The following OSMR variants were observed in gnomAD, a reference collection of about 807,000 sequenced individuals.
OSMR encodes oncostatin-M-specific receptor subunit beta.
In OSMR, 81 loss-of-function variants were observed where a neutral mutation model predicts 99.9. That is an observed-to-expected ratio of 0.81 (90% CI 0.68 to 0.97). OSMR has a LOEUF of 0.97. Ranked by LOEUF, OSMR falls within the 50% of genes least tolerant of loss-of-function variation. The pLI is 0.00. For missense variants in OSMR, 1,099 were observed against 1,153.4 expected (o/e 0.95, Z 0.68); for synonymous variants, 406 against 410.4 (o/e 0.99, Z 0.13).
chr5:38,923,086 T>C (rs1746309315), intron 12 of OSMR, 64 bp from the exon 13 acceptor site: 35 of 1,605,294 alleles, frequency 2.2e-5, no homozygotes, highest in Non-Finnish European at 2.7e-5. Flanking sequence ...TTTTCATTCT[T>C]TTTCTTTTCA....
At chr5:38,930,214 A>C (rs1746658524) in intron 15 of OSMR, among the ~76,000 whole-genome samples, 2 of 152,216 alleles carry the variant, frequency 1.3e-5, no homozygotes, top group South Asian at 4.1e-4. Flanking sequence ...CATCATCAAA[A>C]GTACTGTTCT....
rs145722540 is a variant in OSMR, at chr5:38,932,852, T to C, written c.2368-20T>C. 4.6e-4 allele frequency: 739 copies of C among 1,613,514 alleles called. 6 individuals carry two copies. In the African/African-American group the frequency reaches 8.8e-3, roughly 19 times the overall value. ...ACACACACAAATGTCTATATTTACA[T>C]ATTTTTGTTTCCTTTCTAGGAGAAC... is the stretch of plus-strand genomic sequence containing the variant. On this transcript the variant is annotated intron_variant, in intron 17 of 17. Coordinates refer to ENST00000274276, the MANE Select transcript of OSMR (RefSeq NM_003999.3).
downstream of OSMR, chr5:38,945,134 A>G (rs1748044561): frequency 9.1e-7 from 1 of 1,101,472 alleles, no homozygotes; most frequent in East Asian, 2.5e-5. Context: ...CTTACATTGC[A>G]TGCTAAAAAG....
chr5:38,889,078 G>T (rs1468729603), intron 7 of OSMR, among the ~76,000 whole-genome samples: 5 of 151,468 alleles, frequency 3.3e-5, no homozygotes, highest in Non-Finnish European at 5.9e-5. Flanking sequence ...AAGTCACTTG[G>T]TTTTTTTGCC....
Position 38,933,567 on chromosome 5 carries a change from G to C in OSMR, c.*123G>C. On this transcript the variant is annotated 3_prime_UTR_variant, in exon 18 of 18. Coordinates refer to ENST00000274276, the MANE Select transcript of OSMR (RefSeq NM_003999.3). ...CGATTTGCAGGTCTGGTTTATATAA[G>C]ACCACTACAGTCTGGCTAGGTTAAA... 9.5e-7 allele frequency: 1 copy of C among 1,053,956 alleles called. No individual in the cohort carries two copies. The highest frequency in any genetic ancestry group is 1.6e-5 in the African/African-American group (1 of 64,050). The allele number at this position is 1,053,956 out of a possible 1,614,324, so 65.3% of individuals were successfully genotyped here.
chr5:38,911,653 A>G (rs913022372), intron 9 of OSMR, among the ~76,000 whole-genome samples: 1 of 152,208 alleles, frequency 6.6e-6, no homozygotes, highest in East Asian at 1.9e-4. Context: ...CATAGATGCA[A>G]AAATCCTCAA....
intron 7 of OSMR, among the ~76,000 whole-genome samples, chr5:38,902,917 C>T (rs1262553885): frequency 6.6e-6 from 1 of 152,174 alleles, no homozygotes; most frequent in African/African-American, 2.4e-5. Flanking sequence ...TTTCCTCCGC[C>T]ACAATCCATG....
intron 1 of OSMR, chr5:38,942,287 CCATCATAA>C: frequency 6.8e-7 from 1 of 1,470,642 alleles, no homozygotes; most frequent in Non-Finnish European, 9.5e-7. Context: ...GTATCTATAT[CCATCATAA>C]ATATGAGGTC....
rs1208430548 is a variant in OSMR, at chr5:38,925,282, CCTT to C, written c.2126_2128del (p.Phe709del). 2 of 1,614,100 alleles carry C rather than the reference CCTT, an allele frequency of 1.2e-6. No individual in the cohort carries two copies. The highest frequency in any genetic ancestry group is 1.7e-5 in the Admixed American group (1 of 60,022). ...ATTGTGGACAACCTAAAGCCAGAATCCTTCTATGAGTTTTTCATCACTCCATTC... is the reference window on the plus strand; with the variant it reads ...ATTGTGGACAACCTAAAGCCAGAATCCTATGAGTTTTTCATCACTCCATTC... On this transcript the variant is annotated inframe_deletion, in exon 15 of 18. Transcript: ENST00000274276.
intron 1 of OSMR, among the ~76,000 whole-genome samples, chr5:38,861,232 A>G (rs1020317072): frequency 1.3e-5 from 2 of 152,268 alleles, no homozygotes; most frequent in South Asian, 4.1e-4. Context: ...CAAGTGAACA[A>G]AGGTCTCTGG....
intron 1 of OSMR, among the ~76,000 whole-genome samples, chr5:38,859,119 A>C (rs1741082612): frequency 6.6e-6 from 1 of 152,018 alleles, no homozygotes; most frequent in African/African-American, 2.4e-5. Flanking sequence ...AGTTCTGTTT[A>C]TCTGTGTTTG....
intron 15 of OSMR, among the ~76,000 whole-genome samples, chr5:38,927,124 C>T (rs1746508421): frequency 6.6e-6 from 1 of 152,224 alleles, no homozygotes; most frequent in South Asian, 2.1e-4. Flanking sequence ...CAGTTCCACC[C>T]CTGTGGCTTT....
chr5:38,912,950 G>A (rs1444262036), intron 9 of OSMR, among the ~76,000 whole-genome samples: 3 of 152,128 alleles, frequency 2.0e-5, no homozygotes, highest in Non-Finnish European at 4.4e-5. Context: ...AGATTTAAAT[G>A]TAAGACCTCA....
intron 7 of OSMR, among the ~76,000 whole-genome samples, chr5:38,901,812 C>T (rs552461247): frequency 6.6e-6 from 1 of 152,158 alleles, no homozygotes; most frequent in African/African-American, 2.4e-5. Flanking sequence ...TCGCAAAGAA[C>T]CTCATTTAAA....
At chr5:38,885,962 G>A in intron 6 of OSMR, 77 bp from the exon 7 acceptor site, 1 of 1,578,982 alleles carries the variant, frequency 6.3e-7, no homozygotes, top group Non-Finnish European at 8.6e-7. Context: ...AGTATGCCCT[G>A]AGGGATAAGG....
chr5:38,876,351 A>C lies in OSMR; in HGVS notation c.224A>C (p.Glu75Ala). 1.9e-6 allele frequency: 3 copies of C among 1,613,560 alleles called. No individual in the cohort carries two copies. Among genetic ancestry groups the C allele is most frequent in the Non-Finnish European group, 2.5e-6 (3 of 1,179,604 alleles). The change falls in exon 3 of 18, where the codon GAA (glutamate) becomes GCA (alanine). Residue 75 changes from glutamate to alanine, a missense_variant. Transcript: ENST00000274276. ...TTTCAGATCCAGATCAGTAGGATTG[A>C]AACATCCAATGTCATCTGGGTGGTA... Reference protein sequence around the residue: ...MVFQIQISRIETSNVIWVGNY... With the variant: ...MVFQIQISRIATSNVIWVGNY...
intron 2 of OSMR, chr5:38,875,946 T>A (rs1245126737): frequency 6.4e-6 from 1 of 155,490 alleles, no homozygotes; most frequent in Non-Finnish European, 1.4e-5. Context: ...TTCTGTTTTG[T>A]TTACCTGTTT....
At chr5:38,898,776 T>C (rs1744687681) in intron 7 of OSMR, among the ~76,000 whole-genome samples, 1 of 152,054 alleles carries the variant, frequency 6.6e-6, no homozygotes, top group Non-Finnish European at 1.5e-5. Flanking sequence ...TCGTTATACA[T>C]ATTTTTTTAA....
At chr5:38,902,875 A>G (rs1403735044) in intron 7 of OSMR, among the ~76,000 whole-genome samples, 1 of 152,070 alleles carries the variant, frequency 6.6e-6, no homozygotes, top group Non-Finnish European at 1.5e-5. Flanking sequence ...GCAATCACAT[A>G]TGTGCACTAA....
Sources: allele counts gnomAD v4.1 joint callset (sites outside exome capture counted in the v4.1 genomes callset), GRCh38; gene constraint gnomAD v4.1.1; transcripts MANE v1.5; gene names NCBI Gene and HGNC (gene_info 2026-07-23, HGNC 2026-07-21).